The following TGFBR3 variants were observed in gnomAD, a reference collection of about 807,000 sequenced individuals.
TGFBR3 encodes the protein transforming growth factor beta receptor type 3.
A neutral mutation model predicts 87.9 loss-of-function variants in TGFBR3; 46 were observed. The observed-to-expected ratio is 0.52, with a 90% CI of 0.41 to 0.67. The LOEUF is 0.67. Ranked by LOEUF, TGFBR3 falls within the 30% of genes least tolerant of loss-of-function variation. The probability of loss-of-function intolerance (pLI) is 0.00; values close to 1 mark genes in which losing one functional copy is unlikely to be tolerated. For synonymous variants in TGFBR3, 381 were observed against 391.6 expected, an observed-to-expected ratio of 0.97 and a Z score of 0.32; for missense variants, 866 against 1,041.9, an observed-to-expected ratio of 0.83 and a Z score of 2.32.
intron 2 of TGFBR3, among the ~76,000 whole-genome samples, chr1:91,831,238 C>A (rs1217151064): frequency 2.6e-5 from 4 of 152,012 alleles, no homozygotes; most frequent in Non-Finnish European, 5.9e-5. Context: ...AAAAAAAAAA[C>A]TGCACTATAA....
intron 1 of TGFBR3, among the ~76,000 whole-genome samples, chr1:91,875,521 GAA>G (rs1678750422): frequency 6.6e-6 from 1 of 151,998 alleles, no homozygotes; most frequent in Non-Finnish European, 1.5e-5. Context: ...AAAAAGAAAA[GAA>G]GAGGGGAGAG....
At chr1:91,707,959 C>T (rs1002333246) in intron 14 of TGFBR3, among the ~76,000 whole-genome samples, 4 of 152,194 alleles carry the variant, frequency 2.6e-5, no homozygotes, top group African/African-American at 9.7e-5. Context: ...CCAGTTCTGC[C>T]TCTCTACTGC....
intron 2 of TGFBR3, among the ~76,000 whole-genome samples, chr1:91,892,984 C>T (rs1571609993): frequency 6.6e-6 from 1 of 152,116 alleles, no homozygotes; most frequent in Non-Finnish European, 1.5e-5. Flanking sequence ...ACTCAGTTAA[C>T]ACACTAAAGA....
chr1:91,744,792 A>T (rs562509472), intron 4 of TGFBR3, among the ~76,000 whole-genome samples: 17 of 152,348 alleles, frequency 1.1e-4, no homozygotes, highest in Non-Finnish European at 5.9e-5. Context: ...ATAAAGCTCG[A>T]ATGAGATTGT....
intron 12 of TGFBR3, among the ~76,000 whole-genome samples, chr1:91,714,035 T>G (rs897515074): frequency 6.7e-6 from 1 of 150,334 alleles, no homozygotes; most frequent in African/African-American, 2.4e-5. Context: ...AGTTTATATA[T>G]ATAAATTATC....
chr1:91,834,525 C>T (rs1676986804), intron 2 of TGFBR3, among the ~76,000 whole-genome samples: 1 of 152,196 alleles, frequency 6.6e-6, no homozygotes, highest in Non-Finnish European at 1.5e-5. Context: ...CATTTGAATA[C>T]CGAACACCTA....
At chr1:91,870,351 T>C (rs1322855200) in intron 1 of TGFBR3, among the ~76,000 whole-genome samples, 1 of 152,234 alleles carries the variant, frequency 6.6e-6, no homozygotes, top group Non-Finnish European at 1.5e-5. Context: ...AGAGCCAATT[T>C]GGAATGCTAG....
chr1:91,895,061 C>CG (rs1487396311), intron 2 of TGFBR3, among the ~76,000 whole-genome samples: 3 of 152,020 alleles, frequency 2.0e-5, no homozygotes, highest in Non-Finnish European at 4.4e-5. Flanking sequence ...TGAGCCACCG[C>CG]GCCCAGCTGA....
At chr1:91,834,514 T>C (rs1018521182) in intron 2 of TGFBR3, among the ~76,000 whole-genome samples, 3 of 152,184 alleles carry the variant, frequency 2.0e-5, no homozygotes, top group Non-Finnish European at 4.4e-5. Context: ...TTTAATTCCA[T>C]CATTTGAATA....
chr1:91,707,175 G>T (rs1671826497), intron 14 of TGFBR3, among the ~76,000 whole-genome samples: 1 of 152,210 alleles, frequency 6.6e-6, no homozygotes, highest in East Asian at 1.9e-4. Flanking sequence ...GAAACCCAAA[G>T]AGCTGGTGGT....
At position 91,698,095 on chromosome 1, in the gene TGFBR3, A is replaced by T. The variant is rs1292190793; in HGVS notation, c.2323T>A (p.Ser775Thr). The change falls in exon 15 of 17, where the codon TCT becomes ACT. Residue 775 changes from serine (S) to threonine (T), a missense_variant. Coordinates refer to ENST00000212355, the MANE Select transcript of TGFBR3 (RefSeq NM_003243.5). ...GPSMKEPNPI[S>T]PPIFHGLDTL... ...TAGTTGCATAAAGACTTACGTGGAG[A>T]AATTGGATTTGGTTCCTTCATGCTT... 6.2e-7 allele frequency: 1 copy of T among 1,613,990 alleles called. No individual in the cohort carries two copies. Among genetic ancestry groups the T allele is most frequent in the Admixed American group, 1.7e-5 (1 of 60,030 alleles).
rs137897129 is a variant in TGFBR3 at position 91,808,208 on chromosome 1, C to T, written c.62-10737G>A. 1.5e-3 allele frequency among the ~76,000 whole-genome samples: 228 copies of T among 152,296 alleles called. 2 individuals carry two copies. The highest frequency in any genetic ancestry group is 5.1e-3 in the African/African-American group (212 of 41,574). On this transcript the variant is annotated intron_variant, in intron 2 of 16. Transcript: ENST00000212355. ...ACTATGGGAGGCCAAAGCAGGAGTGCTTGAGGCCAGGACTTCAAGACCAGC... is the reference window on the plus strand; with the variant it reads ...ACTATGGGAGGCCAAAGCAGGAGTGTTTGAGGCCAGGACTTCAAGACCAGC...
chr1:91,754,866 T>A (rs1673683316), intron 4 of TGFBR3: 1 of 152,170 alleles, frequency 6.6e-6, no homozygotes, highest in African/African-American at 2.4e-5. Flanking sequence ...ATGCTATTAC[T>A]TGAACTTTTC....
At chr1:91,827,072 G>T (rs901914) in intron 2 of TGFBR3, among the ~76,000 whole-genome samples, 1 of 152,196 alleles carries the variant, frequency 6.6e-6, no homozygotes, top group African/African-American at 2.4e-5. Context: ...ATTTTACTGA[G>T]GAAAACTTTC....
intron 1 of TGFBR3, among the ~76,000 whole-genome samples, chr1:91,872,565 A>G (rs1476630406): frequency 3.3e-5 from 5 of 152,240 alleles, no homozygotes; most frequent in African/African-American, 1.2e-4. Context: ...AAGACTGAGC[A>G]CAGCCCCCAA....
chr1:91,707,062 A>G (rs937075089), intron 14 of TGFBR3, among the ~76,000 whole-genome samples: 4 of 152,248 alleles, frequency 2.6e-5, no homozygotes, highest in African/African-American at 9.6e-5. Context: ...AAAATGAATT[A>G]AAGATTATTT....
intron 4 of TGFBR3, among the ~76,000 whole-genome samples, chr1:91,735,795 G>A (rs1672946750): frequency 6.6e-6 from 1 of 152,148 alleles, no homozygotes; most frequent in African/African-American, 2.4e-5. Context: ...GTGAAAATAT[G>A]TATGCCATTT....
chr1:91,698,069 A>G lies in TGFBR3; in HGVS notation c.2329+20T>C. ...AAAGCCCAGGAGGTTTTATTTCGAA[A>G]TAGTTGCATAAAGACTTACGTGGAG... is the stretch of plus-strand genomic sequence containing the variant. On this transcript the variant is annotated intron_variant, in intron 15 of 16. Transcript: ENST00000212355. 2 of 1,612,988 alleles carry G rather than the reference A, an allele frequency of 1.2e-6. No homozygotes were observed. Among genetic ancestry groups the G allele is most frequent in the South Asian group, 2.2e-5 (2 of 91,048 alleles).
chr1:91,765,375 T>A (rs1297728711), intron 3 of TGFBR3, among the ~76,000 whole-genome samples: 1 of 151,876 alleles, frequency 6.6e-6, no homozygotes, highest in South Asian at 2.1e-4. Context: ...TACAGAGTCA[T>A]ATTGACCTGT....
Sources: allele counts gnomAD v4.1 joint callset (sites outside exome capture counted in the v4.1 genomes callset), GRCh38; gene constraint gnomAD v4.1.1; transcripts MANE v1.5; gene names NCBI Gene and HGNC (gene_info 2026-07-23, HGNC 2026-07-21).